RNF182: variants seen among roughly 807,000 people sequenced by gnomAD.
RNF182 encodes E3 ubiquitin-protein ligase RNF182.
In RNF182, 15 loss-of-function variants were observed where a neutral mutation model predicts 14.4. The observed-to-expected ratio is 1.04, with a 90% CI of 0.70 to 1.60. The LOEUF is 1.60. Ranked by LOEUF, RNF182 falls within the 40% of genes most tolerant of loss-of-function variation. The pLI, the probability that RNF182 is intolerant of heterozygous loss-of-function variation, is 0.00. For missense variants in RNF182, 268 were observed against 294.8 expected, an observed-to-expected ratio of 0.91 and a Z score of 0.67; for synonymous variants, 128 against 122.9, an observed-to-expected ratio of 1.04 and a Z score of -0.27.
chr6:13,973,387 G>A (rs1760243640), intron 1 of RNF182, among the ~76,000 whole-genome samples: 1 of 152,130 alleles, frequency 6.6e-6, no homozygotes, highest in Non-Finnish European at 1.5e-5. Flanking sequence ...GATTGGTTTT[G>A]AGATGTGAGG....
At chr6:13,934,157 T>C (rs1454086515) in intron 1 of RNF182, among the ~76,000 whole-genome samples, 3 of 152,252 alleles carry the variant, frequency 2.0e-5, no homozygotes, top group African/African-American at 7.2e-5. Flanking sequence ...GATTTCAGCT[T>C]CTTAGTTGCA....
intron 1 of RNF182, among the ~76,000 whole-genome samples, chr6:13,926,926 A>G (rs1051611401): frequency 6.6e-6 from 1 of 152,112 alleles, no homozygotes; most frequent in Non-Finnish European, 1.5e-5. Flanking sequence ...TAGCCTAAAC[A>G]TTTATGTTGT....
intron 1 of RNF182, among the ~76,000 whole-genome samples, chr6:13,971,857 A>G (rs1760193389): frequency 6.6e-6 from 1 of 152,240 alleles, no homozygotes; most frequent in Admixed American, 6.5e-5. Context: ...GATCTGTGGA[A>G]CTTTGAACTT....
chr6:13,958,235 A>T, intron 1 of RNF182, among the ~76,000 whole-genome samples: 1 of 152,170 alleles, frequency 6.6e-6, no homozygotes, highest in South Asian at 2.1e-4. Context: ...AAAATACAAA[A>T]GTTAGCTGGG....
In RNF182 at chr6:13,971,464, G is replaced by A. The variant is rs76661209; in HGVS notation, c.-366-2746G>A. Among the ~76,000 whole-genome samples, 70 of 152,062 alleles carry A rather than the reference G, an allele frequency of 4.6e-4. No individual in the cohort carries two copies. In the East Asian group the frequency reaches 0.01, roughly 22 times the overall value. ...TAGTCTTGGGTATATCTTTATTAGC[G>A]TAAGAATCAACTAATACAGTAAATT... On this transcript the variant is annotated intron_variant, in intron 1 of 2. Coordinates refer to ENST00000488300, the MANE Select transcript of RNF182 (RefSeq NM_152737.4).
intron 1 of RNF182, among the ~76,000 whole-genome samples, chr6:13,964,818 A>G (rs537466552): frequency 5.9e-5 from 9 of 152,330 alleles, no homozygotes; most frequent in Non-Finnish European, 1.2e-4. Context: ...GTGTTCCACA[A>G]GAGACCAAGG....
At chr6:13,972,125 C>T (rs1221209226) in intron 1 of RNF182, among the ~76,000 whole-genome samples, 1 of 151,574 alleles carries the variant, frequency 6.6e-6, no homozygotes, top group African/African-American at 2.4e-5. Flanking sequence ...ACGGTGAAAC[C>T]CCGTCTACTA....
intron 1 of RNF182, 173 bp downstream of exon 1, chr6:13,925,196 T>G (rs1328800841): frequency 4.0e-5 from 6 of 148,938 alleles, no homozygotes; most frequent in African/African-American, 1.5e-4. Context: ...GCGCGGAGTC[T>G]CCCTCCGGGC....
intron 1 of RNF182, among the ~76,000 whole-genome samples, chr6:13,942,973 C>G (rs1034349530): frequency 1.3e-5 from 2 of 152,118 alleles, no homozygotes; most frequent in Non-Finnish European, 2.9e-5. Flanking sequence ...TAGTTAAATT[C>G]ACAGAGTTCT....
intron 1 of RNF182, among the ~76,000 whole-genome samples, chr6:13,966,292 A>G (rs280190): frequency 0.4 from 60,846 of 152,036 alleles, 13,462 homozygotes; most frequent in Middle Eastern, 0.51. Flanking sequence ...AGACCTTGAG[A>G]TACAGGAAGA....
rs1030244882 is a variant in RNF182 at position 13,974,384 on chromosome 6, G to A, written c.-212+20G>A. The stretch of plus-strand genomic sequence containing the variant: ...ATTAGAGTAGGTATATTTTTTACTG[G>A]ATATTTGAATATTGAGTATTTCCAT... On this transcript the variant is annotated intron_variant, in intron 2 of 2. Transcript: ENST00000488300. The A allele has an allele frequency of 6.6e-6, 1 of 152,108 alleles. No individual in the cohort carries two copies. Among genetic ancestry groups the A allele is most frequent in the South Asian group, 2.1e-4 (1 of 4,822 alleles). The allele number at this position is 152,108 out of a possible 1,614,324, so 9.4% of individuals were successfully genotyped here. A position where few individuals can be genotyped will look rare whatever the true frequency, so the allele number is the denominator to read the frequency against.
chr6:13,925,129 C>G (rs1265255973), intron 1 of RNF182, 106 bp downstream of exon 1: 7 of 122,230 alleles, frequency 5.7e-5, no homozygotes, highest in Non-Finnish European at 1.2e-4. Flanking sequence ...CCGGGCCGCC[C>G]AAGCGCGCCG....
At position 13,979,120 on chromosome 6, in the gene RNF182, A is replaced by T. The variant is rs936818050; in HGVS notation, c.*1257A>T. ...TGTTTTTGAGTTGGTTTTGGAATGG[A>T]TTCAAGTTCTTACACAATTTATTTT... On this transcript the variant is annotated 3_prime_UTR_variant, in exon 3 of 3. Coordinates refer to ENST00000488300, the MANE Select transcript of RNF182 (RefSeq NM_152737.4). 1.2e-5 allele frequency: 2 copies of T among 167,034 alleles called. No individual in the cohort carries two copies. Among genetic ancestry groups the T allele is most frequent in the Non-Finnish European group, 2.9e-5 (2 of 68,118 alleles). The allele number at this position is 167,034 out of a possible 1,614,324, so 10.3% of individuals were successfully genotyped here.
At chr6:13,930,066 C>T (rs1338160476) in intron 1 of RNF182, among the ~76,000 whole-genome samples, 2 of 152,032 alleles carry the variant, frequency 1.3e-5, no homozygotes, top group Non-Finnish European at 2.9e-5. Flanking sequence ...TGCATATCTG[C>T]AGGTTCCACA....
At chr6:13,938,514 T>A (rs1759200065) in intron 1 of RNF182, among the ~76,000 whole-genome samples, 1 of 152,174 alleles carries the variant, frequency 6.6e-6, no homozygotes, top group African/African-American at 2.4e-5. Flanking sequence ...TCTTTAAGAA[T>A]TTTTTGCCTG....
At chr6:13,944,900 T>C (rs1759399607) in intron 1 of RNF182, among the ~76,000 whole-genome samples, 1 of 152,234 alleles carries the variant, frequency 6.6e-6, no homozygotes. Context: ...AGCAATTTGC[T>C]TTCCTCAGAA....
At chr6:13,961,151 G>T (rs978467938) in intron 1 of RNF182, among the ~76,000 whole-genome samples, 2 of 152,086 alleles carry the variant, frequency 1.3e-5, no homozygotes, top group African/African-American at 4.8e-5. Context: ...TACAACATTG[G>T]TAAATTGTGC....
intron 1 of RNF182, among the ~76,000 whole-genome samples, chr6:13,928,923 C>T (rs576011044): frequency 2.8e-4 from 42 of 152,156 alleles, no homozygotes; most frequent in Middle Eastern, 3.4e-3. Context: ...AGCTGGGGGA[C>T]AGTGATGGCT....
At chr6:13,970,308 T>C (rs767731886) in intron 1 of RNF182, among the ~76,000 whole-genome samples, 3 of 152,148 alleles carry the variant, frequency 2.0e-5, no homozygotes, top group Non-Finnish European at 4.4e-5. Context: ...TCCCACCTCA[T>C]CCTGAGATAA....
Sources: allele counts gnomAD v4.1 joint callset (sites outside exome capture counted in the v4.1 genomes callset), GRCh38; gene constraint gnomAD v4.1.1; transcripts MANE v1.5; gene names NCBI Gene and HGNC (gene_info 2026-07-23, HGNC 2026-07-21).